Variants in CSMD1 observed in about 807,000 individuals in gnomAD.
CSMD1 encodes CUB and sushi domain-containing protein 1.
A neutral mutation model predicts 417.5 loss-of-function variants in CSMD1; 213 were observed. That is an observed-to-expected ratio of 0.51 (90% CI 0.46 to 0.57). The LOEUF (loss-of-function observed/expected upper bound fraction) is 0.57, where lower values mean the gene tolerates loss of function less well. CSMD1 is among the 20% of genes least tolerant of loss of function. CSMD1 has a pLI of 0.00. For missense variants in CSMD1, 6,923 were observed against 4,529.7 expected (o/e 1.53, Z -15.17); for synonymous variants, 2,862 against 1,736.8 (o/e 1.65, Z -16.11).
At chr8:4,858,840 C>T (rs1264957671) in intron 1 of CSMD1, among the ~76,000 whole-genome samples, 5 of 147,766 alleles carry the variant, frequency 3.4e-5, no homozygotes, top group East Asian at 4.1e-4. Flanking sequence ...GCCATACTGC[C>T]CAAGGTAATT....
intron 2 of CSMD1, among the ~76,000 whole-genome samples, chr8:4,478,202 G>A (rs1033571529): frequency 1.5e-4 from 23 of 151,886 alleles, no homozygotes; most frequent in Non-Finnish European, 2.2e-4. Context: ...TCTTTCACTC[G>A]CCAAATGATT....
chr8:3,444,037 C>T (rs184720288), intron 12 of CSMD1, among the ~76,000 whole-genome samples: 3 of 152,124 alleles, frequency 2.0e-5, no homozygotes, highest in Admixed American at 6.6e-5. Flanking sequence ...GTGAATCAGG[C>T]GTATCAGCAT....
At chr8:3,316,756 G>A (rs1184873695) in intron 23 of CSMD1, among the ~76,000 whole-genome samples, 1 of 152,178 alleles carries the variant, frequency 6.6e-6, no homozygotes, top group Non-Finnish European at 1.5e-5. Flanking sequence ...AAAGGACTCG[G>A]CTGCAGCACC....
At chr8:3,600,227 T>C (rs1298237054) in intron 8 of CSMD1, among the ~76,000 whole-genome samples, 2 of 152,220 alleles carry the variant, frequency 1.3e-5, no homozygotes, top group Non-Finnish European at 2.9e-5. Context: ...TCTCCTTTTC[T>C]CCTTCTCCTC....
At chr8:4,457,704 G>A (rs1352483341) in intron 2 of CSMD1, among the ~76,000 whole-genome samples, 1 of 152,140 alleles carries the variant, frequency 6.6e-6, no homozygotes, top group South Asian at 2.1e-4. Flanking sequence ...GGGAGAGGCA[G>A]CTTCCCTTCC....
intron 7 of CSMD1, among the ~76,000 whole-genome samples, chr8:3,706,441 G>A (rs915273602): frequency 4.6e-5 from 7 of 152,104 alleles, no homozygotes; most frequent in African/African-American, 1.4e-4. Context: ...ATCTTAGAAG[G>A]CTCAAGGTTT....
intron 25 of CSMD1, among the ~76,000 whole-genome samples, chr8:3,300,062 G>C (rs73171132): frequency 0.11 from 17,257 of 152,076 alleles, 1,223 homozygotes; most frequent in East Asian, 0.21. Context: ...AAAACAACCT[G>C]AATATTCCAA....
chr8:4,537,852 G>C (rs1343423517), intron 2 of CSMD1, among the ~76,000 whole-genome samples: 1 of 152,092 alleles, frequency 6.6e-6, no homozygotes, highest in Non-Finnish European at 1.5e-5. Flanking sequence ...AGCACTTTTT[G>C]CATTGCTTTG....
intron 30 of CSMD1, among the ~76,000 whole-genome samples, chr8:3,207,238 C>T (rs768320818): frequency 5.3e-4 from 80 of 150,432 alleles, no homozygotes; most frequent in African/African-American, 1.6e-3. Flanking sequence ...CCTCCGCCAC[C>T]CGGGTTCAAA....
chr8:3,738,967 T>A lies in CSMD1; in HGVS notation c.931+14963A>T, dbSNP rs542349209. 1.6e-4 allele frequency among the ~76,000 whole-genome samples: 24 copies of A among 152,326 alleles called. No individual in the cohort carries two copies. The South Asian group carries it at 4.3e-3, about 28-fold the overall frequency. ...ATATTTGTATGCACAAAAAGGTGTG[T>A]TCAAACTTTAGACATGATCTATTCA... On this transcript the variant is annotated intron_variant, in intron 6 of 69. Transcript: ENST00000635120.
At chr8:4,047,081 A>T (rs1218180190) in intron 3 of CSMD1, among the ~76,000 whole-genome samples, 2 of 152,210 alleles carry the variant, frequency 1.3e-5, no homozygotes, top group Non-Finnish European at 2.9e-5. Context: ...GGTCTTTAAA[A>T]ATGGTCTCTA....
intron 3 of CSMD1, among the ~76,000 whole-genome samples, chr8:4,243,146 G>C (rs978261492): frequency 6.6e-6 from 1 of 152,100 alleles, no homozygotes; most frequent in Non-Finnish European, 1.5e-5. Context: ...GTTGGAAAAA[G>C]GAGAGGAGGG....
intron 8 of CSMD1, among the ~76,000 whole-genome samples, chr8:3,603,060 G>C (rs997079853): frequency 1.7e-4 from 26 of 152,152 alleles, no homozygotes; most frequent in African/African-American, 4.8e-5. Context: ...AGCAAGTTTA[G>C]CCACACAAAT....
intron 12 of CSMD1, among the ~76,000 whole-genome samples, chr8:3,437,160 T>C (rs1008079428): frequency 6.6e-5 from 10 of 152,180 alleles, no homozygotes; most frequent in Admixed American, 4.6e-4. Flanking sequence ...AATGCAATTG[T>C]GTGAATTTAT....
chr8:3,441,668 T>C (rs1386088159), intron 12 of CSMD1, among the ~76,000 whole-genome samples: 4 of 152,100 alleles, frequency 2.6e-5, no homozygotes, highest in Non-Finnish European at 4.4e-5. Flanking sequence ...TGCGCATGTG[T>C]TCCTGGTGAT....
intron 5 of CSMD1, among the ~76,000 whole-genome samples, chr8:3,801,924 T>G (rs748929226): frequency 1.3e-5 from 2 of 151,764 alleles, no homozygotes; most frequent in Non-Finnish European, 2.9e-5. Context: ...GGGTATAGGG[T>G]GGGGAGTCAG....
At chr8:3,821,372 C>T (rs1274825236) in intron 5 of CSMD1, among the ~76,000 whole-genome samples, 1 of 152,182 alleles carries the variant, frequency 6.6e-6, no homozygotes, top group East Asian at 1.9e-4. Context: ...ACTGGCAGCG[C>T]AGGTTTGCAT....
intron 3 of CSMD1, among the ~76,000 whole-genome samples, chr8:4,376,638 G>C (rs1584980443): frequency 6.6e-6 from 1 of 152,138 alleles, no homozygotes; most frequent in African/African-American, 2.4e-5. Flanking sequence ...CTTTTCAGAA[G>C]GGTTGCATTC....
chr8:4,827,458 C>A (rs1023106620), intron 1 of CSMD1, among the ~76,000 whole-genome samples: 1 of 152,168 alleles, frequency 6.6e-6, no homozygotes, highest in Non-Finnish European at 1.5e-5. Flanking sequence ...GAAACCTCTT[C>A]AGCAAGTCAA....
Sources: gnomAD v4.1 joint callset for allele counts (sites outside exome capture counted in the v4.1 genomes callset) on GRCh38, gnomAD v4.1.1 for gene constraint, MANE v1.5 for transcripts, NCBI Gene and HGNC (gene_info 2026-07-23, HGNC 2026-07-21) for gene names.